Variants in KANK1 observed in about 807,000 individuals in gnomAD.
KANK1 encodes KN motif and ankyrin repeat domain-containing protein 1.
In KANK1, 109 loss-of-function variants were observed where a neutral mutation model predicts 106.2. The observed-to-expected ratio is 1.03, with a 90% CI of 0.88 to 1.20. The LOEUF is 1.20. Ranked by LOEUF, KANK1 falls within the 50% of genes most tolerant of loss-of-function variation. The pLI is 0.00. For synonymous variants in KANK1, 873 were observed against 652.2 expected, an observed-to-expected ratio of 1.34 and a Z score of -5.16; for missense variants, 2,399 against 1,710.7, an observed-to-expected ratio of 1.40 and a Z score of -7.10.
chr9:656,389 T>G (rs1842148728), intron 1 of KANK1, among the ~76,000 whole-genome samples: 1 of 152,156 alleles, frequency 6.6e-6, no homozygotes, highest in African/African-American at 2.4e-5. Context: ...GATATTTGAA[T>G]TAGAGGCTAT....
chr9:578,589 G>T (rs1184989634), intron 1 of KANK1, among the ~76,000 whole-genome samples: 1 of 151,948 alleles, frequency 6.6e-6, no homozygotes, highest in Non-Finnish European at 1.5e-5. Flanking sequence ...ATATCTCAAT[G>T]TTGATTTTAA....
chr9:729,836 G>A (rs1831719712), intron 3 of KANK1, among the ~76,000 whole-genome samples: 1 of 152,164 alleles, frequency 6.6e-6, no homozygotes, highest in Non-Finnish European at 1.5e-5. Context: ...CCAAAACAGA[G>A]AAAAGAAGAG....
chr9:507,470 A>T (rs1011576530), intron 1 of KANK1, among the ~76,000 whole-genome samples: 1 of 151,000 alleles, frequency 6.6e-6, no homozygotes, highest in Non-Finnish European at 1.5e-5. Context: ...GCTCACTGCA[A>T]CCTCCGCCTC....
At position 713,445 on chromosome 9, in the gene KANK1, C is replaced by T. The variant is rs771368491; in HGVS notation, c.2679C>T (p.Thr893=). The change falls in exon 3 of 12, where the codon ACC becomes ACT. Residue 893 remains threonine, a synonymous_variant. Transcript: ENST00000382297. ...EELRNPDFQK[T]SLGKITGNYL... is the part of the protein sequence containing the mutation. ...TGAGGAACCCTGACTTCCAGAAAAC[C>T]AGTCTGGGTAAAATCACAGGTAGGT... is the stretch of plus-strand genomic sequence containing the variant. The T allele has an allele frequency of 1.9e-6, 3 of 1,595,214 alleles. No individual in the cohort carries two copies. The highest frequency in any genetic ancestry group is 2.6e-6 in the Non-Finnish European group (3 of 1,172,180).
At chr9:531,728 T>G (rs908906159) in intron 1 of KANK1, among the ~76,000 whole-genome samples, 18 of 152,206 alleles carry the variant, frequency 1.2e-4, no homozygotes, top group Non-Finnish European at 2.1e-4. Context: ...GAAAAGAGAC[T>G]GTAGTGAACC....
At chr9:561,511 A>G (rs1335062560) in intron 1 of KANK1, among the ~76,000 whole-genome samples, 4 of 152,204 alleles carry the variant, frequency 2.6e-5, no homozygotes, top group Admixed American at 2.6e-4. Context: ...ATCACTGTGC[A>G]TTTGTTGAGT....
intron 1 of KANK1, among the ~76,000 whole-genome samples, chr9:624,292 G>A (rs1225631203): frequency 6.6e-6 from 1 of 152,150 alleles, no homozygotes; most frequent in Non-Finnish European, 1.5e-5. Flanking sequence ...AATATGTTCT[G>A]GAGATTAGGG....
At chr9:653,960 G>T (rs1308793538) in intron 1 of KANK1, among the ~76,000 whole-genome samples, 1 of 152,130 alleles carries the variant, frequency 6.6e-6, no homozygotes, top group East Asian at 1.9e-4. Flanking sequence ...GTGCCACCCT[G>T]TTCCTTTCCA....
At chr9:539,363 A>T (rs146586684) in intron 1 of KANK1, among the ~76,000 whole-genome samples, 1 of 152,192 alleles carries the variant, frequency 6.6e-6, no homozygotes, top group South Asian at 2.1e-4. Context: ...TAACAGTGTT[A>T]ATTCTTCCAA....
chr9:717,548 G>C (rs1828052691), intron 3 of KANK1, among the ~76,000 whole-genome samples: 1 of 152,072 alleles, frequency 6.6e-6, no homozygotes, highest in South Asian at 2.1e-4. Context: ...TGATGGAATT[G>C]GAACCTGATA....
intron 9 of KANK1, among the ~76,000 whole-genome samples, 181 bp downstream of exon 9, chr9:741,115 T>C (rs889934259): frequency 1.3e-5 from 2 of 152,198 alleles, no homozygotes; most frequent in African/African-American, 4.8e-5. Flanking sequence ...ACCAGGGAAA[T>C]ATGGGCTTAA....
At chr9:498,817 A>C (rs534558348) in intron 3 of KANK1, among the ~76,000 whole-genome samples, 5 of 152,190 alleles carry the variant, frequency 3.3e-5, no homozygotes, top group Non-Finnish European at 7.4e-5. Context: ...ACCCTTATAC[A>C]TTGTTAACAG....
intron 10 of KANK1, among the ~76,000 whole-genome samples, chr9:744,038 C>G (rs1420482956): frequency 6.6e-6 from 1 of 152,184 alleles, no homozygotes; most frequent in African/African-American, 2.4e-5. Flanking sequence ...GGATTGCGTG[C>G]TTACACACAG....
intron 3 of KANK1, chr9:495,581 G>A (rs146889632): frequency 1.3e-5 from 2 of 151,998 alleles, no homozygotes; most frequent in African/African-American, 2.4e-5. Context: ...ATATATCAAG[G>A]AGCATTGAAT....
intron 1 of KANK1, among the ~76,000 whole-genome samples, chr9:671,546 G>A (rs540480310): frequency 8.0e-5 from 4 of 50,210 alleles, no homozygotes; most frequent in Non-Finnish European, 1.5e-4. Context: ...AACCCGGGAG[G>A]CGGAGCTTGC....
At chr9:738,553 G>C (rs770931099) in intron 8 of KANK1, 49 bp downstream of exon 8, 13 of 1,454,054 alleles carry the variant, frequency 8.9e-6, no homozygotes, top group Non-Finnish European at 1.2e-5. Flanking sequence ...TACTTGGGTT[G>C]TGACTCATCT....
At chr9:529,217 G>GTTT (rs200894293) in intron 1 of KANK1, among the ~76,000 whole-genome samples, 18 of 148,694 alleles carry the variant, frequency 1.2e-4, no homozygotes, top group African/African-American at 4.5e-4. Context: ...AGATAACTCT[G>GTTT]TTAATATATA....
chr9:727,092 T>C (rs1830880717), intron 3 of KANK1, among the ~76,000 whole-genome samples: 1 of 152,232 alleles, frequency 6.6e-6, no homozygotes, highest in African/African-American at 2.4e-5. Context: ...AATGGCCATA[T>C]AGAATTCCTC....
At chr9:716,813 A>G (rs1036069019) in intron 3 of KANK1, among the ~76,000 whole-genome samples, 5 of 152,206 alleles carry the variant, frequency 3.3e-5, no homozygotes, top group African/African-American at 1.2e-4. Flanking sequence ...TGTCTCTACA[A>G]AAAAATTTTT....
Sources: gnomAD v4.1 joint callset for allele counts (sites outside exome capture counted in the v4.1 genomes callset) on GRCh38, gnomAD v4.1.1 for gene constraint, MANE v1.5 for transcripts, NCBI Gene and HGNC (gene_info 2026-07-23, HGNC 2026-07-21) for gene names.